DNAJC15: variants seen among roughly 807,000 people sequenced by gnomAD.
DNAJC15 encodes DnaJ heat shock protein family (Hsp40) member C15, also known as dnaJ homolog subfamily C member 15.
Under a neutral mutation model 22.4 loss-of-function variants are expected in DNAJC15, and 27 were observed. That is an observed-to-expected ratio of 1.20 (90% CI 0.89 to 1.66). The LOEUF (loss-of-function observed/expected upper bound fraction) is 1.66, where lower values mean the gene tolerates loss of function less well. DNAJC15 is among the 40% of genes most tolerant of loss of function. The pLI, the probability that DNAJC15 is intolerant of heterozygous loss-of-function variation, is 0.00. For missense variants in DNAJC15, 208 were observed against 187.1 expected (o/e 1.11, Z -0.65); for synonymous variants, 79 against 63.2 (o/e 1.25, Z -1.19).
At chr13:43,054,990 A>G (rs866323962) in intron 1 of DNAJC15, among the ~76,000 whole-genome samples, 19 of 151,576 alleles carry the variant, frequency 1.3e-4, no homozygotes, top group African/African-American at 3.6e-4. Flanking sequence ...AAACTTCACA[A>G]TGGGCCCCAG....
At chr13:43,023,862 C>A in intron 1 of DNAJC15, 128 bp downstream of exon 1, 6 of 891,518 alleles carry the variant, frequency 6.7e-6, no homozygotes, top group Non-Finnish European at 1.7e-6. Flanking sequence ...CCCTAGCGCT[C>A]ACTTGTTCAG....
intron 1 of DNAJC15, among the ~76,000 whole-genome samples, chr13:43,034,608 C>T (rs1358539290): frequency 9.1e-6 from 1 of 109,344 alleles, no homozygotes; most frequent in African/African-American, 3.9e-5. Context: ...AGCCACCGCA[C>T]CCAGCCGAGA....
intron 5 of DNAJC15, among the ~76,000 whole-genome samples, chr13:43,093,263 AT>A (rs1313342421): frequency 2.6e-5 from 4 of 151,868 alleles, no homozygotes; most frequent in East Asian, 1.9e-4. Context: ...ATGCAAAGTA[AT>A]TTTTTTGAAT....
chr13:43,065,730 A>T lies in DNAJC15; in HGVS notation c.153A>T (p.Ala51=). The T allele has an allele frequency of 6.2e-7, 1 of 1,613,272 alleles. No individual in the cohort carries two copies. The highest frequency in any genetic ancestry group is 8.5e-7 in the Non-Finnish European group (1 of 1,179,648). ...IAVGLGVAAL[A]FAGRYAFRIW... is the part of the protein sequence containing the mutation. ...TAGGACTGGGTGTTGCAGCTCTTGC[A>T]TTTGCAGGTAAGATAAAGAATACAT... is the stretch of plus-strand genomic sequence containing the variant. The change falls in exon 2 of 6, where the codon GCA becomes GCT. Residue 51 remains alanine, a synonymous_variant. Coordinates refer to ENST00000379221, the MANE Select transcript of DNAJC15 (RefSeq NM_013238.3).
At chr13:43,057,245 T>C (rs1320519924) in intron 1 of DNAJC15, among the ~76,000 whole-genome samples, 1 of 152,218 alleles carries the variant, frequency 6.6e-6, no homozygotes, top group African/African-American at 2.4e-5. Context: ...CACCAGTTAT[T>C]CTTAGGTTAT....
intron 3 of DNAJC15, among the ~76,000 whole-genome samples, chr13:43,074,440 A>G (rs1008177657): frequency 3.9e-5 from 6 of 152,192 alleles, no homozygotes; most frequent in African/African-American, 1.2e-4. Flanking sequence ...AAAAAGGACC[A>G]TTTACTCCAT....
At chr13:43,090,946 C>T (rs886939665) in intron 5 of DNAJC15, among the ~76,000 whole-genome samples, 1 of 151,994 alleles carries the variant, frequency 6.6e-6, no homozygotes, top group African/African-American at 2.4e-5. Flanking sequence ...TCGTGATCCA[C>T]CCACCTTGGC....
intron 1 of DNAJC15, among the ~76,000 whole-genome samples, chr13:43,025,310 G>T (rs1357250852): frequency 6.6e-6 from 1 of 152,178 alleles, no homozygotes; most frequent in Non-Finnish European, 1.5e-5. Context: ...CAAGGTAGTT[G>T]GGAGCTGTGG....
intron 5 of DNAJC15, among the ~76,000 whole-genome samples, chr13:43,094,559 T>G (rs1377496656): frequency 6.6e-6 from 1 of 152,242 alleles, no homozygotes; most frequent in Non-Finnish European, 1.5e-5. Flanking sequence ...CGCAGTCTCC[T>G]TAGCATTTTG....
chr13:43,028,918 T>C (rs2040392531), intron 1 of DNAJC15, among the ~76,000 whole-genome samples: 1 of 152,228 alleles, frequency 6.6e-6, no homozygotes, highest in South Asian at 2.1e-4. Flanking sequence ...AAATTATTTA[T>C]ATTTGTATAA....
chr13:43,055,503 T>C (rs1361806087), intron 1 of DNAJC15, among the ~76,000 whole-genome samples: 1 of 152,210 alleles, frequency 6.6e-6, no homozygotes, highest in Non-Finnish European at 1.5e-5. Flanking sequence ...TAGTGTGTGT[T>C]CGCGACCTCC....
intron 1 of DNAJC15, among the ~76,000 whole-genome samples, chr13:43,024,366 C>T (rs1176347499): frequency 1.3e-5 from 1 of 76,982 alleles, no homozygotes; most frequent in African/African-American, 5.0e-5. Context: ...TTTTTTGAGA[C>T]GGAGTCTCGC....
chr13:43,091,424 A>G (rs1028476979), intron 5 of DNAJC15, among the ~76,000 whole-genome samples: 1 of 152,074 alleles, frequency 6.6e-6, no homozygotes, highest in Non-Finnish European at 1.5e-5. Flanking sequence ...TCTCTTTCAC[A>G]TTTTTCATTT....
intron 1 of DNAJC15, among the ~76,000 whole-genome samples, chr13:43,053,723 G>T (rs948616460): frequency 2.6e-5 from 4 of 152,146 alleles, no homozygotes; most frequent in Non-Finnish European, 2.9e-5. Context: ...GTTGGTCACT[G>T]TTAGTGTATA....
chr13:43,040,101 C>G (rs1385501305), intron 1 of DNAJC15, among the ~76,000 whole-genome samples: 3 of 152,192 alleles, frequency 2.0e-5, no homozygotes, highest in Non-Finnish European at 4.4e-5. Flanking sequence ...AAGAATCTCA[C>G]TCCTAGACCC....
At chr13:43,064,805 A>G (rs988647134) in intron 1 of DNAJC15, among the ~76,000 whole-genome samples, 10 of 152,180 alleles carry the variant, frequency 6.6e-5, no homozygotes, top group African/African-American at 1.9e-4. Context: ...GGAAGGAGAA[A>G]TGGAGAAGGA....
At position 43,041,084 on chromosome 13, in the gene DNAJC15, C is replaced by G. The variant is rs532579559; in HGVS notation, c.108+17350C>G. Among the ~76,000 whole-genome samples, 15 of 152,308 alleles carry G rather than the reference C, an allele frequency of 9.8e-5. No individual in the cohort carries two copies. The East Asian group carries it at 2.9e-3, about 29-fold the overall frequency. ...TTACTAATCCTCCTCAGCACAGACCCTTTACAGGTGTCGGGCTGGGGGACG... is the reference window on the plus strand; with the variant it reads ...TTACTAATCCTCCTCAGCACAGACCGTTTACAGGTGTCGGGCTGGGGGACG... On this transcript the variant is annotated intron_variant, in intron 1 of 5. Transcript: ENST00000379221.
chr13:43,029,063 A>G (rs1477032653), intron 1 of DNAJC15, among the ~76,000 whole-genome samples: 1 of 152,240 alleles, frequency 6.6e-6, no homozygotes, highest in Non-Finnish European at 1.5e-5. Flanking sequence ...TGAGCAACTT[A>G]ATAAATAAAC....
chr13:43,024,207 G>T (rs762953889), intron 1 of DNAJC15, among the ~76,000 whole-genome samples: 6 of 152,084 alleles, frequency 3.9e-5, no homozygotes, highest in Admixed American at 3.3e-4. Flanking sequence ...AAAGTCTCCG[G>T]CACAGAAACA....
Sources: allele counts gnomAD v4.1 joint callset (sites outside exome capture counted in the v4.1 genomes callset), GRCh38; gene constraint gnomAD v4.1.1; transcripts MANE v1.5; gene names NCBI Gene and HGNC (gene_info 2026-07-23, HGNC 2026-07-21).